The following ZNF804B variants were observed in gnomAD, a reference collection of about 807,000 sequenced individuals.
The protein encoded by ZNF804B is zinc finger 804B.
Under a neutral mutation model 101.4 loss-of-function variants are expected in ZNF804B, and 80 were observed. The ratio of observed to expected loss-of-function variants is 0.79; its 90% CI spans 0.66 to 0.95. The LOEUF is 0.95. Ranked by LOEUF, ZNF804B falls within the 40% of genes least tolerant of loss-of-function variation. The pLI is 0.00. For synonymous variants in ZNF804B, 622 were observed against 558.8 expected, an observed-to-expected ratio of 1.11 and a Z score of -1.59; for missense variants, 1,673 against 1,561.9, an observed-to-expected ratio of 1.07 and a Z score of -1.20.
rs1206947406 is a variant in ZNF804B at position 89,220,033 on chromosome 7, G to GCA, written c.249+1741_249+1742dup. ...TATATGTGTGTATACATATATATAC[G>GCA]CACATATATGTGCATATATACATAT... is the stretch of plus-strand genomic sequence containing the variant. On this transcript the variant is annotated intron_variant, in intron 2 of 3. Transcript: ENST00000333190. Among the ~76,000 whole-genome samples the GCA allele has an allele frequency of 3.6e-4, 22 of 60,836 alleles. 2 individuals are homozygous for GCA. The highest frequency in any genetic ancestry group is 1.1e-3 in the African/African-American group (16 of 14,886). The allele number at this position is 60,836 out of a possible 152,430, so 39.9% of individuals were successfully genotyped here.
At chr7:89,262,604 C>T (rs1789727332) in intron 2 of ZNF804B, among the ~76,000 whole-genome samples, 1 of 151,900 alleles carries the variant, frequency 6.6e-6, no homozygotes, top group African/African-American at 2.4e-5. Flanking sequence ...ATCTTTTTTT[C>T]CATTCCTCTT....
intron 1 of ZNF804B, among the ~76,000 whole-genome samples, chr7:89,176,215 G>T (rs1791316053): frequency 6.6e-6 from 1 of 151,842 alleles, no homozygotes; most frequent in Non-Finnish European, 1.5e-5. Context: ...TGTATGGTCT[G>T]TATATGGGTC....
intron 2 of ZNF804B, among the ~76,000 whole-genome samples, chr7:89,272,144 T>C (rs1009978078): frequency 6.6e-6 from 1 of 152,096 alleles, no homozygotes; most frequent in Non-Finnish European, 1.5e-5. Context: ...CATATCATTC[T>C]CCTTAATGCT....
At chr7:88,833,766 G>A (rs2115788983) in intron 1 of ZNF804B, among the ~76,000 whole-genome samples, 1 of 151,978 alleles carries the variant, frequency 6.6e-6, no homozygotes, top group South Asian at 2.1e-4. Context: ...TCACTAGGGT[G>A]AGGAAATTGA....
At chr7:89,065,999 T>C (rs576184106) in intron 1 of ZNF804B, among the ~76,000 whole-genome samples, 1 of 152,240 alleles carries the variant, frequency 6.6e-6, no homozygotes, top group South Asian at 2.1e-4. Flanking sequence ...TGGGGAACCA[T>C]TATTCTGCCC....
chr7:89,253,998 T>C (rs1292709058), intron 2 of ZNF804B, among the ~76,000 whole-genome samples: 1 of 152,120 alleles, frequency 6.6e-6, no homozygotes, highest in Non-Finnish European at 1.5e-5. Flanking sequence ...TCCCCTAGCA[T>C]AGTAAATGAT....
intron 1 of ZNF804B, among the ~76,000 whole-genome samples, chr7:88,887,063 C>T (rs990577503): frequency 3.9e-5 from 6 of 152,122 alleles, no homozygotes; most frequent in Admixed American, 6.6e-5. Flanking sequence ...TACTGTCTCA[C>T]ACCTGTCAGA....
At chr7:89,213,755 G>C (rs1330661398) in intron 1 of ZNF804B, among the ~76,000 whole-genome samples, 3 of 152,080 alleles carry the variant, frequency 2.0e-5, no homozygotes, top group Non-Finnish European at 4.4e-5. Flanking sequence ...GCAGATCTGA[G>C]CTTTAATCCA....
rs190474055 is a variant in ZNF804B, at chr7:89,335,092, T to C, written c.2110T>C (p.Cys704Arg). 58 of 1,613,838 alleles carry C rather than the reference T, an allele frequency of 3.6e-5. No homozygotes were observed. The Admixed American group carries it at 4.2e-4, about 12-fold the overall frequency. Reference protein sequence around the residue: ...QRYKRYSPQSCLSRYSSSLDT... With the variant: ...QRYKRYSPQSRLSRYSSSLDT... ...ATACAAGAGATACTCTCCACAGTCA[T>C]GTTTGAGTAGATATTCTTCCTCTTT... Residue 704 changes from cysteine (C) to arginine (R), a missense_variant, in exon 4 of 4, where the codon TGT (cysteine) becomes CGT (arginine). By Grantham distance (180) the Cys-to-Arg change is radical. Coordinates refer to ENST00000333190, the MANE Select transcript of ZNF804B (RefSeq NM_181646.5).
chr7:88,985,799 C>A (rs1793752063), intron 1 of ZNF804B, among the ~76,000 whole-genome samples: 1 of 152,168 alleles, frequency 6.6e-6, no homozygotes, highest in Admixed American at 6.6e-5. Flanking sequence ...TGTTCTATAA[C>A]CACCATGGGT....
chr7:88,850,568 C>T (rs953068243), intron 1 of ZNF804B, among the ~76,000 whole-genome samples: 7 of 152,082 alleles, frequency 4.6e-5, no homozygotes, highest in African/African-American at 1.4e-4. Context: ...GGGGACAGTT[C>T]TCAGAAATCT....
chr7:89,032,087 CTATTT>C (rs1231974516), intron 1 of ZNF804B, among the ~76,000 whole-genome samples: 1 of 152,000 alleles, frequency 6.6e-6, no homozygotes, highest in Non-Finnish European at 1.5e-5. Flanking sequence ...GATCACACAG[CTATTT>C]TATTTTGAGT....
chr7:89,163,899 G>C (rs1791104312), intron 1 of ZNF804B, among the ~76,000 whole-genome samples: 1 of 147,528 alleles, frequency 6.8e-6, no homozygotes, highest in Non-Finnish European at 1.5e-5. Context: ...TTCTTCCTTT[G>C]TTTCTTTCTT....
Position 89,109,077 on chromosome 7 carries a change from C to A in ZNF804B, c.109-109078C>A, listed in dbSNP as rs571440991. Among the ~76,000 whole-genome samples, 5 of 151,382 alleles carry A rather than the reference C, an allele frequency of 3.3e-5. No homozygotes were observed. The East Asian group carries it at 9.7e-4, about 29-fold the overall frequency. ...TGTTTGGGTATAATTAGTAAGAGAA[C>A]ATCAATAAAGGAGAAAAATTTTTTA... On this transcript the variant is annotated intron_variant, in intron 1 of 3. Coordinates refer to ENST00000333190, the MANE Select transcript of ZNF804B (RefSeq NM_181646.5).
intron 1 of ZNF804B, among the ~76,000 whole-genome samples, chr7:89,128,373 C>T (rs537350717): frequency 2.6e-5 from 4 of 151,978 alleles, no homozygotes; most frequent in East Asian, 3.9e-4. Context: ...TACTTTAAAA[C>T]ATAGTATTGT....
chr7:89,291,024 A>G (rs1309530808), intron 2 of ZNF804B, among the ~76,000 whole-genome samples: 1 of 152,214 alleles, frequency 6.6e-6, no homozygotes, highest in Non-Finnish European at 1.5e-5. Flanking sequence ...ATTTTATCCA[A>G]GACTACTGTG....
At chr7:88,940,466 G>A (rs1355352681) in intron 1 of ZNF804B, among the ~76,000 whole-genome samples, 1 of 151,840 alleles carries the variant, frequency 6.6e-6, no homozygotes, top group East Asian at 1.9e-4. Flanking sequence ...GAAATTAATA[G>A]AAACAAATGA....
chr7:89,049,756 A>C (rs575771718), intron 1 of ZNF804B, among the ~76,000 whole-genome samples: 1 of 152,186 alleles, frequency 6.6e-6, no homozygotes, highest in African/African-American at 2.4e-5. Flanking sequence ...TCAGGCCTGT[A>C]ATCCCAGCAC....
chr7:89,302,007 C>T (rs561500371), intron 2 of ZNF804B, among the ~76,000 whole-genome samples: 1 of 151,966 alleles, frequency 6.6e-6, no homozygotes, highest in Admixed American at 6.6e-5. Context: ...AAACCCATGG[C>T]ATCAGCTTGA....
Sources: allele counts gnomAD v4.1 joint callset (sites outside exome capture counted in the v4.1 genomes callset), GRCh38; gene constraint gnomAD v4.1.1; transcripts MANE v1.5; gene names NCBI Gene and HGNC (gene_info 2026-07-23, HGNC 2026-07-21).